The following GMDS variants were observed in gnomAD, a reference collection of about 807,000 sequenced individuals.
GMDS encodes GDP-mannose 4,6-dehydratase, also known as GDP-mannose 4,6 dehydratase.
In GMDS, 20 loss-of-function variants were observed where a neutral mutation model predicts 49.9. The ratio of observed to expected loss-of-function variants is 0.40; its 90% CI spans 0.28 to 0.58. The LOEUF (loss-of-function observed/expected upper bound fraction) is 0.58. Ranked by LOEUF, GMDS falls within the 20% of genes least tolerant of loss-of-function variation. The pLI is 0.42. For synonymous variants in GMDS, 177 were observed against 178.6 expected (o/e 0.99, Z 0.07); for missense variants, 362 against 481.4 (o/e 0.75, Z 2.32).
At chr6:1,754,918 C>G (rs933333662) in intron 7 of GMDS, among the ~76,000 whole-genome samples, 1 of 152,150 alleles carries the variant, frequency 6.6e-6, no homozygotes, top group Non-Finnish European at 1.5e-5. Context: ...TTATGACAAA[C>G]CCACAGCCAA....
intron 4 of GMDS, among the ~76,000 whole-genome samples, chr6:2,015,163 G>T (rs969003423): frequency 6.6e-6 from 1 of 152,062 alleles, no homozygotes. Flanking sequence ...CAGAAAATCA[G>T]CAAGGACATA....
chr6:1,860,938 A>G (rs1037458546), intron 7 of GMDS, among the ~76,000 whole-genome samples: 1 of 152,200 alleles, frequency 6.6e-6, no homozygotes, highest in African/African-American at 2.4e-5. Flanking sequence ...GTCTTGCTCC[A>G]CTAACTGCAC....
chr6:2,245,507 G>T lies in GMDS; in HGVS notation c.-85C>A. The T allele has an allele frequency of 1.5e-6, 1 of 677,140 alleles. No individual in the cohort carries two copies. Among genetic ancestry groups the T allele is most frequent in the Non-Finnish European group, 2.2e-6 (1 of 461,656 alleles). The allele number at this position is 677,140 out of a possible 1,614,324, so 41.9% of individuals were successfully genotyped here. On this transcript the variant is annotated 5_prime_UTR_variant, in exon 1 of 11. It adds an upstream start codon to the 5' untranslated region. Coordinates refer to ENST00000380815, the MANE Select transcript of GMDS (RefSeq NM_001500.4). ...GCCGGCAGGAACGCGGGGGTGTGCA[G>T]CACGAAGCGCCTCTCCAGGCTGCGG...
chr6:2,130,270 A>G (rs940544710), intron 1 of GMDS, among the ~76,000 whole-genome samples: 5 of 152,224 alleles, frequency 3.3e-5, no homozygotes, highest in Non-Finnish European at 7.3e-5. Context: ...TAAAACACAG[A>G]AATAACTCCC....
chr6:1,724,515 T>A lies in GMDS; in HGVS notation c.987+1901A>T, dbSNP rs1307327424. Among the ~76,000 whole-genome samples the A allele has an allele frequency of 2.6e-5, 4 of 152,300 alleles. No individual in the cohort carries two copies. The East Asian group carries it at 7.7e-4, about 29-fold the overall frequency. On this transcript the variant is annotated intron_variant, in intron 9 of 10. Coordinates refer to ENST00000380815, the MANE Select transcript of GMDS (RefSeq NM_001500.4). ...CCATTCTTAATGACTTCCTAGCTTT[T>A]GAAACTATTTTGGTGTCAGAGAGGG...
chr6:1,916,231 G>C (rs1296068835), intron 7 of GMDS, among the ~76,000 whole-genome samples: 3 of 152,104 alleles, frequency 2.0e-5, no homozygotes, highest in Non-Finnish European at 4.4e-5. Context: ...TAGTTACAAG[G>C]TAGCACGCCC....
intron 4 of GMDS, among the ~76,000 whole-genome samples, chr6:2,063,301 A>C (rs1296947660): frequency 1.3e-5 from 2 of 152,220 alleles, no homozygotes; most frequent in Non-Finnish European, 2.9e-5. Flanking sequence ...GAAGATATCT[A>C]ATCAGCAAAA....
At chr6:1,863,979 T>C (rs1428822793) in intron 7 of GMDS, among the ~76,000 whole-genome samples, 1 of 152,124 alleles carries the variant, frequency 6.6e-6, no homozygotes, top group Non-Finnish European at 1.5e-5. Flanking sequence ...AGCAAAAAAG[T>C]GTGGCCATTT....
At chr6:2,172,475 G>A (rs2038224) in intron 1 of GMDS, among the ~76,000 whole-genome samples, 16,675 of 152,098 alleles carry the variant, frequency 0.11, 3,027 homozygotes, top group African/African-American at 0.38. Context: ...GGTGGATCAC[G>A]AGGTCAGGAG....
intron 1 of GMDS, among the ~76,000 whole-genome samples, chr6:2,129,024 T>C (rs945113989): frequency 1.3e-5 from 2 of 152,220 alleles, no homozygotes; most frequent in Admixed American, 6.5e-5. Flanking sequence ...TCCTGACGCC[T>C]ATCCTGTTCT....
intron 4 of GMDS, among the ~76,000 whole-genome samples, chr6:2,047,304 T>G (rs955414956): frequency 2.6e-5 from 4 of 152,126 alleles, no homozygotes; most frequent in African/African-American, 9.7e-5. Context: ...AATATCCTTG[T>G]GAAGTGGATT....
intron 4 of GMDS, among the ~76,000 whole-genome samples, chr6:2,097,999 T>C (rs1442433377): frequency 1.3e-5 from 2 of 150,534 alleles, no homozygotes; most frequent in African/African-American, 2.5e-5. Context: ...AATGCTCCCT[T>C]ATGTTTTAAG....
chr6:2,015,887 G>C (rs1050347404), intron 4 of GMDS, among the ~76,000 whole-genome samples: 2 of 151,970 alleles, frequency 1.3e-5, no homozygotes, highest in African/African-American at 4.8e-5. Flanking sequence ...AAGAATAGAA[G>C]ATTCATTCTT....
intron 10 of GMDS, 109 bp downstream of exon 10, chr6:1,624,363 C>A (rs1762778959): frequency 3.8e-6 from 5 of 1,302,742 alleles, no homozygotes; most frequent in Non-Finnish European, 5.5e-6. Flanking sequence ...CCGCACCCCG[C>A]CTTCCGGGCT....
chr6:1,813,237 A>C lies in GMDS; in HGVS notation c.772-70651T>G, dbSNP rs934684305. 4.0e-5 allele frequency among the ~76,000 whole-genome samples: 6 copies of C among 151,322 alleles called. No individual in the cohort carries two copies. The South Asian group carries it at 8.3e-4, about 21-fold the overall frequency. On this transcript the variant is annotated intron_variant, in intron 7 of 10. Coordinates refer to ENST00000380815, the MANE Select transcript of GMDS (RefSeq NM_001500.4). ...ACTCTGTCTCTTAAAAAAAAAAAAA[A>C]AAAAAAAAAAACCTTAATTAAAAAA...
chr6:2,041,227 G>A (rs940556482), intron 4 of GMDS, among the ~76,000 whole-genome samples: 3 of 152,184 alleles, frequency 2.0e-5, no homozygotes, highest in East Asian at 3.9e-4. Flanking sequence ...TCTAATAACT[G>A]CAAAGCCTGC....
chr6:2,114,942 A>T (rs1774757597), intron 4 of GMDS, among the ~76,000 whole-genome samples: 1 of 144,546 alleles, frequency 6.9e-6, no homozygotes, highest in South Asian at 2.2e-4. Context: ...TTGTTCATTA[A>T]ATAGCAAAAC....
At chr6:1,628,021 CGGACT>C (rs1762894535) in intron 9 of GMDS, among the ~76,000 whole-genome samples, 1 of 152,212 alleles carries the variant, frequency 6.6e-6, no homozygotes. Flanking sequence ...TTCTGACTCA[CGGACT>C]GTGTGTATTC....
chr6:1,661,626 G>A (rs1764076671), intron 9 of GMDS, among the ~76,000 whole-genome samples: 1 of 152,206 alleles, frequency 6.6e-6, no homozygotes, highest in African/African-American at 2.4e-5. Flanking sequence ...CAGCAAGTGG[G>A]ACTGTGGCTG....
Sources: gnomAD v4.1 joint callset for allele counts (sites outside exome capture counted in the v4.1 genomes callset) on GRCh38, gnomAD v4.1.1 for gene constraint, MANE v1.5 for transcripts, NCBI Gene and HGNC (gene_info 2026-07-23, HGNC 2026-07-21) for gene names.